Variants in DPYD observed in about 807,000 individuals in gnomAD.
DPYD encodes the protein dihydropyrimidine dehydrogenase, also known as dihydropyrimidine dehydrogenase [NADP(+)].
DPYD carries 109 observed loss-of-function variants against 116.2 expected under a neutral mutation model. The ratio of observed to expected loss-of-function variants is 0.94; its 90% CI spans 0.80 to 1.10. The LOEUF (loss-of-function observed/expected upper bound fraction) is 1.10, where lower values mean the gene tolerates loss of function less well. Ranked by LOEUF, DPYD falls within the 50% of genes least tolerant of loss-of-function variation. The pLI, the probability that DPYD is intolerant of heterozygous loss-of-function variation, is 0.00. For synonymous variants in DPYD, 440 were observed against 432.0 expected (o/e 1.02, Z -0.23); for missense variants, 1,302 against 1,254.5 (o/e 1.04, Z -0.57).
intron 2 of DPYD, among the ~76,000 whole-genome samples, chr1:97,871,690 T>C (rs953763259): frequency 1.3e-5 from 2 of 151,762 alleles, no homozygotes; most frequent in African/African-American, 2.4e-5. Flanking sequence ...CTTCTTTCTG[T>C]TTCTGTAGAA....
chr1:97,412,819 CT>C (rs1674084432), intron 14 of DPYD, among the ~76,000 whole-genome samples: 1 of 152,204 alleles, frequency 6.6e-6, no homozygotes, highest in Non-Finnish European at 1.5e-5. Context: ...GGTTCAGAAC[CT>C]TCTGAATTAT....
At chr1:97,368,347 A>T (rs1671147977) in intron 16 of DPYD, among the ~76,000 whole-genome samples, 2 of 152,094 alleles carry the variant, frequency 1.3e-5, no homozygotes, top group South Asian at 2.1e-4. Flanking sequence ...TGAATTGGAA[A>T]ATCTTTAAGG....
intron 20 of DPYD, among the ~76,000 whole-genome samples, chr1:97,135,483 T>A (rs1307767105): frequency 6.6e-6 from 1 of 152,194 alleles, no homozygotes; most frequent in Non-Finnish European, 1.5e-5. Context: ...TTATCTTTTG[T>A]TTCCCATACA....
chr1:97,595,197 G>A lies in DPYD; in HGVS notation c.851-31C>T, dbSNP rs2786491. 4,989 of 1,558,034 alleles carry A rather than the reference G, an allele frequency of 3.2e-3. 120 individuals are homozygous for A. The African/African-American group carries it at 0.057, about 18-fold the overall frequency. ...TAATCAAATTTATAAAATATCATTA[G>A]CAGGAGGAGGGGCTTTTCCTATTAG... is the stretch of plus-strand genomic sequence containing the variant. On this transcript the variant is annotated intron_variant, in intron 8 of 22. Transcript: ENST00000370192.
chr1:97,172,526 C>T (rs1656803675), intron 20 of DPYD, among the ~76,000 whole-genome samples: 1 of 152,170 alleles, frequency 6.6e-6, no homozygotes, highest in Non-Finnish European at 1.5e-5. Flanking sequence ...GATATCTCTG[C>T]CTTCCATATT....
At chr1:97,578,049 T>A (rs1457582532) in intron 10 of DPYD, among the ~76,000 whole-genome samples, 3 of 152,086 alleles carry the variant, frequency 2.0e-5, no homozygotes, top group Non-Finnish European at 4.4e-5. Context: ...TTTCACTCTG[T>A]TGGCCAGGTT....
chr1:97,767,275 G>A (rs944085317), intron 3 of DPYD, among the ~76,000 whole-genome samples: 1 of 152,126 alleles, frequency 6.6e-6, no homozygotes, highest in African/African-American at 2.4e-5. Flanking sequence ...ACCAGGGATG[G>A]TAGTCTTTGA....
chr1:97,491,055 CTAA>C (rs1473894341), intron 13 of DPYD, among the ~76,000 whole-genome samples: 2 of 148,466 alleles, frequency 1.3e-5, no homozygotes, highest in African/African-American at 2.5e-5. Flanking sequence ...ATAAAATGAT[CTAA>C]TGACTTAAAA....
chr1:97,714,655 C>CAAAAAAAAAAAAAAAAAAAAAAAAAA (rs1193831747), intron 5 of DPYD, among the ~76,000 whole-genome samples: 4 of 49,928 alleles, frequency 8.0e-5, no homozygotes, highest in African/African-American at 1.4e-4. Context: ...AAAGAAAAGA[C>CAAAAAAAAAAAAAAAAAAAAAAAAAA]AAAAAAAAAA....
Position 97,796,559 on chromosome 1 carries a change from T to C in DPYD, c.233+31555A>G, listed in dbSNP as rs565767453. On this transcript the variant is annotated intron_variant, in intron 3 of 22. Transcript: ENST00000370192. ...ATAAAACTCTTTCTTAATGCCAATATAAAAAATACTCTACATTAATTGGTA... is the reference window on the plus strand; with the variant it reads ...ATAAAACTCTTTCTTAATGCCAATACAAAAAATACTCTACATTAATTGGTA... Among the ~76,000 whole-genome samples, 3 of 152,090 alleles carry C rather than the reference T, an allele frequency of 2.0e-5. No individual in the cohort carries two copies. The South Asian group carries it at 6.2e-4, about 32-fold the overall frequency.
At chr1:97,918,289 C>A (rs1305482329) in intron 1 of DPYD, among the ~76,000 whole-genome samples, 1 of 152,138 alleles carries the variant, frequency 6.6e-6, no homozygotes, top group African/African-American at 2.4e-5. Context: ...TTTCCATGTG[C>A]AATTCAGAGA....
chr1:97,434,051 A>C (rs1225775309), intron 14 of DPYD, among the ~76,000 whole-genome samples: 1 of 152,142 alleles, frequency 6.6e-6, no homozygotes, highest in Non-Finnish European at 1.5e-5. Flanking sequence ...ATCAGGCACA[A>C]AACAGTCACT....
At chr1:97,242,166 ATATATC>A (rs1662414817) in intron 18 of DPYD, among the ~76,000 whole-genome samples, 16 of 115,092 alleles carry the variant, frequency 1.4e-4, no homozygotes, top group East Asian at 2.8e-4. Flanking sequence ...ATATATATAT[ATATATC>A]TTCTAAGTCT....
chr1:97,917,357 T>C (rs1674267707), intron 1 of DPYD, among the ~76,000 whole-genome samples: 1 of 152,232 alleles, frequency 6.6e-6, no homozygotes, highest in South Asian at 2.1e-4. Context: ...TTGCCATCTC[T>C]GCCAATTTAT....
At chr1:97,540,371 ACAAAACAAAAC>A (rs1650350118) in intron 12 of DPYD, among the ~76,000 whole-genome samples, 1 of 119,830 alleles carries the variant, frequency 8.3e-6, no homozygotes, top group South Asian at 3.1e-4. Flanking sequence ...ACAAAACAAA[ACAAAACAAAAC>A]AAAACAAAAC....
intron 13 of DPYD, among the ~76,000 whole-genome samples, chr1:97,464,625 G>T (rs185860920): frequency 6.6e-6 from 1 of 152,314 alleles, no homozygotes; most frequent in Admixed American, 6.5e-5. Flanking sequence ...GCTTCAGAGC[G>T]TGGAAGCCTC....
chr1:97,915,763 A>G (rs1434736921), intron 1 of DPYD, among the ~76,000 whole-genome samples: 2 of 152,222 alleles, frequency 1.3e-5, no homozygotes, highest in African/African-American at 2.4e-5. Flanking sequence ...GCTCTGCAAC[A>G]TATTTGTCAT....
intron 20 of DPYD, among the ~76,000 whole-genome samples, chr1:97,129,432 C>T (rs1653104999): frequency 6.6e-6 from 1 of 152,074 alleles, no homozygotes; most frequent in African/African-American, 2.4e-5. Context: ...CTCATATATT[C>T]CATCTTGGTC....
chr1:97,828,187 T>G lies in DPYD; in HGVS notation c.160A>C (p.Lys54Gln). 6.2e-7 allele frequency: 1 copy of G among 1,613,256 alleles called. No homozygotes were observed. The highest frequency in any genetic ancestry group is 8.5e-7 in the Non-Finnish European group (1 of 1,179,714). Residue 54 changes from lysine (K) to glutamine (Q), a missense_variant, in exon 3 of 23, where the codon AAG becomes CAG. Lys to Gln is a moderately conservative substitution (Grantham distance 53, BLOSUM62 1). Coordinates refer to ENST00000370192, the MANE Select transcript of DPYD (RefSeq NM_000110.4). ...NPDKNCFNCE[K>Q]LENNFDDIKH... ...ATGTCATCAAAATTATTCTCCAGCT[T>G]CTCACAATTCTGCAACATATTTAAA...
Sources: allele counts gnomAD v4.1 joint callset (sites outside exome capture counted in the v4.1 genomes callset), GRCh38; gene constraint gnomAD v4.1.1; transcripts MANE v1.5; gene names NCBI Gene and HGNC (gene_info 2026-07-23, HGNC 2026-07-21).